SMYD3: variants seen among roughly 807,000 people sequenced by gnomAD.
The protein encoded by SMYD3 is histone-lysine N-methyltransferase SMYD3.
Under a neutral mutation model 57.7 loss-of-function variants are expected in SMYD3, and 36 were observed. The observed-to-expected ratio is 0.62, with a 90% CI of 0.48 to 0.82. The LOEUF (loss-of-function observed/expected upper bound fraction) is 0.82, where lower values mean the gene tolerates loss of function less well. SMYD3 is among the 40% of genes least tolerant of loss of function. The probability of loss-of-function intolerance (pLI) is 0.00; values close to 1 mark genes in which losing one functional copy is unlikely to be tolerated. For synonymous variants in SMYD3, 211 were observed against 195.0 expected (o/e 1.08, Z -0.68); for missense variants, 515 against 538.8 (o/e 0.96, Z 0.44).
rs79498071 is a variant in SMYD3, at chr1:245,866,364, T to C, written c.814-2478A>G. Among the ~76,000 whole-genome samples the C allele has an allele frequency of 5.8e-5, 4 of 69,040 alleles. No homozygotes were observed. In the South Asian group the frequency reaches 2.5e-3, roughly 43 times the overall value. 45.3% of individuals were successfully genotyped at this position (69,040 alleles called of 152,430 possible). ...TTTTAAAAAGACACCATAGGTGCAC[T>C]TTTTTTTTTTAATTCTAAATACATC... On this transcript the variant is annotated intron_variant, in intron 8 of 11. Transcript: ENST00000490107.
intron 5 of SMYD3, among the ~76,000 whole-genome samples, chr1:246,072,428 G>A (rs79929002): frequency 3.3e-5 from 5 of 152,016 alleles, no homozygotes; most frequent in South Asian, 2.1e-4. Context: ...GGAGGGATTC[G>A]TGTGCTTTCC....
intron 5 of SMYD3, among the ~76,000 whole-genome samples, chr1:245,936,725 C>T (rs946148): frequency 0.87 from 132,864 of 151,932 alleles, 58,732 homozygotes; most frequent in East Asian, 0.97. Context: ...CAAAACCTCG[C>T]CACTATAAAA....
At chr1:245,970,873 G>A (rs2058281995) in intron 5 of SMYD3, among the ~76,000 whole-genome samples, 1 of 152,158 alleles carries the variant, frequency 6.6e-6, no homozygotes, top group African/African-American at 2.4e-5. Flanking sequence ...TTCAACCATT[G>A]TGGAAGACAG....
At chr1:245,763,545 G>C (rs2148052329) in intron 11 of SMYD3, among the ~76,000 whole-genome samples, 1 of 152,286 alleles carries the variant, frequency 6.6e-6, no homozygotes, top group Non-Finnish European at 1.5e-5. Context: ...GGTCACAGTG[G>C]GTCCTGGTGA....
chr1:245,878,108 G>A (rs538273165), intron 8 of SMYD3, among the ~76,000 whole-genome samples: 1 of 152,234 alleles, frequency 6.6e-6, no homozygotes, highest in Admixed American at 6.5e-5. Context: ...GAAATCAGGG[G>A]CTCACCGATG....
At chr1:245,886,329 T>TA (rs1281608261) in intron 8 of SMYD3, among the ~76,000 whole-genome samples, 1 of 152,138 alleles carries the variant, frequency 6.6e-6, no homozygotes, top group Non-Finnish European at 1.5e-5. Flanking sequence ...CCTTACTTAT[T>TA]AGAGTTCTCG....
chr1:246,259,044 T>C (rs540815280), intron 5 of SMYD3, among the ~76,000 whole-genome samples: 103 of 152,350 alleles, frequency 6.8e-4, no homozygotes, highest in African/African-American at 2.5e-3. Context: ...ATTTCTTAAG[T>C]GAGTTTTTCA....
At chr1:246,487,279 T>A (rs569356630) in intron 1 of SMYD3, among the ~76,000 whole-genome samples, 1 of 152,168 alleles carries the variant, frequency 6.6e-6, no homozygotes, top group South Asian at 2.1e-4. Flanking sequence ...AAACCCCATC[T>A]CTACTTAAAA....
chr1:246,435,049 A>G (rs928811927), intron 1 of SMYD3, among the ~76,000 whole-genome samples: 4 of 152,236 alleles, frequency 2.6e-5, no homozygotes, highest in Non-Finnish European at 4.4e-5. Context: ...CTCCTAAGCA[A>G]ATTAATGCAA....
At chr1:246,298,828 G>A (rs1352175843) in intron 5 of SMYD3, among the ~76,000 whole-genome samples, 2 of 152,046 alleles carry the variant, frequency 1.3e-5, no homozygotes, top group Admixed American at 6.6e-5. Flanking sequence ...AAGTCTCATG[G>A]TTTTATTATG....
intron 5 of SMYD3, among the ~76,000 whole-genome samples, chr1:246,285,604 A>C (rs2064543690): frequency 6.6e-6 from 1 of 152,168 alleles, no homozygotes. Context: ...ATGACCAAGA[A>C]CCCAAAAGCA....
chr1:245,926,535 T>C (rs2056386113), intron 7 of SMYD3, among the ~76,000 whole-genome samples: 1 of 152,168 alleles, frequency 6.6e-6, no homozygotes, highest in South Asian at 2.1e-4. Flanking sequence ...AGGATTTGCT[T>C]GTTGCTCCAG....
At chr1:246,372,748 T>C (rs549086899) in intron 1 of SMYD3, among the ~76,000 whole-genome samples, 16 of 152,250 alleles carry the variant, frequency 1.1e-4, no homozygotes, top group African/African-American at 3.4e-4. Flanking sequence ...CCAAGGACTT[T>C]GTGGGGCCGA....
chr1:246,269,543 C>CTTTTTTTTTTTTTTTTTTT (rs570972296), intron 5 of SMYD3, among the ~76,000 whole-genome samples: 6 of 135,208 alleles, frequency 4.4e-5, no homozygotes, highest in African/African-American at 5.4e-5. Flanking sequence ...CTTTTTTTTT[C>CTTTTTTTTTTTTTTTTTTT]TTTTTTTTTT....
chr1:246,380,848 A>G (rs1049612301), intron 1 of SMYD3, among the ~76,000 whole-genome samples: 7 of 152,232 alleles, frequency 4.6e-5, no homozygotes, highest in African/African-American at 1.7e-4. Context: ...CCATGGGTAT[A>G]GCCATGGGCT....
chr1:246,130,890 C>A (rs1241598570), intron 5 of SMYD3, among the ~76,000 whole-genome samples: 1 of 152,120 alleles, frequency 6.6e-6, no homozygotes, highest in African/African-American at 2.4e-5. Flanking sequence ...CAGCTCTTTA[C>A]TTAATAGAGA....
intron 5 of SMYD3, among the ~76,000 whole-genome samples, chr1:246,107,354 A>G (rs2061150115): frequency 6.6e-6 from 1 of 152,180 alleles, no homozygotes; most frequent in African/African-American, 2.4e-5. Flanking sequence ...TAGAAAACAA[A>G]CAGAAAATGA....
At chr1:245,860,178 C>T (rs1388059327) in intron 9 of SMYD3, among the ~76,000 whole-genome samples, 1 of 152,094 alleles carries the variant, frequency 6.6e-6, no homozygotes, top group Non-Finnish European at 1.5e-5. Flanking sequence ...ACACCCCTCC[C>T]ACTCCCACAT....
intron 5 of SMYD3, among the ~76,000 whole-genome samples, chr1:246,131,025 T>C (rs931822804): frequency 3.3e-5 from 5 of 152,106 alleles, no homozygotes; most frequent in Admixed American, 2.0e-4. Flanking sequence ...TAAAGTCCTT[T>C]CCATGGGCTC....
Sources: gnomAD v4.1 joint callset for allele counts (sites outside exome capture counted in the v4.1 genomes callset) on GRCh38, gnomAD v4.1.1 for gene constraint, MANE v1.5 for transcripts, NCBI Gene and HGNC (gene_info 2026-07-23, HGNC 2026-07-21) for gene names.